Variants in MTRF1 observed in about 807,000 individuals in gnomAD.
The protein encoded by MTRF1 is mitochondrial translation release factor 1, also known as peptide chain release factor 1, mitochondrial.
A neutral mutation model predicts 62.9 loss-of-function variants in MTRF1; 51 were observed. That is an observed-to-expected ratio of 0.81 (90% CI 0.65 to 1.02). MTRF1 has a LOEUF of 1.02. Ranked by LOEUF, MTRF1 falls within the 50% of genes least tolerant of loss-of-function variation. The pLI, the probability that MTRF1 is intolerant of heterozygous loss-of-function variation, is 0.00. For missense variants in MTRF1, 446 were observed against 530.0 expected, an observed-to-expected ratio of 0.84 and a Z score of 1.56; for synonymous variants, 158 against 181.9, an observed-to-expected ratio of 0.87 and a Z score of 1.06.
chr13:41,260,422 C>T (rs1334188457), intron 2 of MTRF1, 71 bp downstream of exon 2: 3 of 1,291,904 alleles, frequency 2.3e-6, no homozygotes, highest in African/African-American at 3.0e-5. Flanking sequence ...TGTACTTACA[C>T]ACACGCATAT....
chr13:41,266,275 T>C (rs1350550172), upstream of MTRF1, among the ~76,000 whole-genome samples: 5 of 152,144 alleles, frequency 3.3e-5, no homozygotes, highest in Admixed American at 3.3e-4. Flanking sequence ...TGGTTTTTTG[T>C]TATGGCAGCC....
At chr13:41,288,310 A>T in the MTRF1 span, 2 of 285,320 alleles carry the variant, frequency 7.0e-6, no homozygotes, top group East Asian at 1.2e-4. Flanking sequence ...CACACACTTG[A>T]TGGCTTGCAC....
intron 9 of MTRF1, 146 bp downstream of exon 9, chr13:41,223,109 GT>G (rs1375259932): frequency 5.5e-6 from 3 of 540,558 alleles, no homozygotes; most frequent in African/African-American, 1.9e-5. Context: ...ACTAATAAAA[GT>G]GTTTGTAAAT....
intron 2 of MTRF1, 52 bp downstream of exon 2, chr13:41,260,418 TACACACACGCATATAAGTGTGTG>T: frequency 7.9e-7 from 1 of 1,267,266 alleles, no homozygotes; most frequent in Non-Finnish European, 1.1e-6. Context: ...AATCTGTACT[TACACACACGCATATAAGTGTGTG>T]GTTTTTTTTT....
intron 5 of MTRF1, among the ~76,000 whole-genome samples, chr13:41,244,215 ACTCAACTTT>A (rs1165287136): frequency 5.5e-5 from 5 of 90,246 alleles, no homozygotes; most frequent in Non-Finnish European, 9.9e-5. Context: ...AAAATCCTTA[ACTCAACTTT>A]CTTTCTTTCA....
intron 8 of MTRF1, among the ~76,000 whole-genome samples, chr13:41,224,224 A>T (rs1315444125): frequency 6.6e-6 from 1 of 152,142 alleles, no homozygotes; most frequent in Admixed American, 6.5e-5. Context: ...CAGCAATTGA[A>T]ATACATTCTC....
At chr13:41,298,665 A>G in the MTRF1 span, among the ~76,000 whole-genome samples, 1 of 152,250 alleles carries the variant, frequency 6.6e-6, no homozygotes, top group African/African-American at 2.4e-5. Flanking sequence ...TTATAAGCTC[A>G]AACATTTGAA....
chr13:41,307,093 A>G, the MTRF1 span, among the ~76,000 whole-genome samples: 1 of 152,148 alleles, frequency 6.6e-6, no homozygotes, highest in Non-Finnish European at 1.5e-5. Context: ...GATGACAACT[A>G]CCAGCACCGT....
chr13:41,279,820 T>C, the MTRF1 span, among the ~76,000 whole-genome samples: 1 of 152,214 alleles, frequency 6.6e-6, no homozygotes, highest in African/African-American at 2.4e-5. Flanking sequence ...ATCTAGGATA[T>C]AATCAACTAA....
At position 41,252,627 on chromosome 13, in the gene MTRF1, AT is replaced by A. The variant is rs2039217045; in HGVS notation, c.697+17del. On this transcript the variant is annotated intron_variant, in intron 5 of 9. Transcript: ENST00000379480. ...AATTTTCAGTATCTCCTACAGGCAAATTCCTCAATATGCCTACCATAATCTG... is the reference window on the plus strand; with the variant it reads ...AATTTTCAGTATCTCCTACAGGCAAATCCTCAATATGCCTACCATAATCTG... 6.3e-7 allele frequency: 1 copy of A among 1,583,978 alleles called. No homozygotes were observed. The highest frequency in any genetic ancestry group is 8.7e-7 in the Non-Finnish European group (1 of 1,154,552).
intron 9 of MTRF1, chr13:41,220,654 A>C: frequency 8.2e-7 from 1 of 1,219,336 alleles, no homozygotes; most frequent in Non-Finnish European, 1.1e-6. Flanking sequence ...CTTGGGAATA[A>C]ATAAATGTAG....
chr13:41,250,652 C>T (rs1279744347), intron 5 of MTRF1, among the ~76,000 whole-genome samples: 1 of 152,086 alleles, frequency 6.6e-6, no homozygotes, highest in Non-Finnish European at 1.5e-5. Flanking sequence ...CACCACCACA[C>T]CCAGCTAATT....
At chr13:41,249,150 C>A (rs1011780459) in intron 5 of MTRF1, among the ~76,000 whole-genome samples, 2 of 152,148 alleles carry the variant, frequency 1.3e-5, no homozygotes, top group Non-Finnish European at 2.9e-5. Context: ...TTTGTGTGCA[C>A]ATATATGTAA....
At chr13:41,232,197 A>G (rs538454656) in intron 7 of MTRF1, among the ~76,000 whole-genome samples, 19 of 152,280 alleles carry the variant, frequency 1.2e-4, no homozygotes, top group African/African-American at 4.3e-4. Context: ...AGTAATAAAA[A>G]AAAGAAATAA....
At chr13:41,283,650 C>T in the MTRF1 span, among the ~76,000 whole-genome samples, 2 of 120,634 alleles carry the variant, frequency 1.7e-5, no homozygotes, top group Admixed American at 2.3e-4. Flanking sequence ...AGTGCAGTGG[C>T]GCGATCTCGG....
At chr13:41,251,438 C>T (rs1593960020) in intron 5 of MTRF1, among the ~76,000 whole-genome samples, 3 of 152,166 alleles carry the variant, frequency 2.0e-5, no homozygotes, top group Non-Finnish European at 4.4e-5. Flanking sequence ...AAAATCTATC[C>T]ACTCAAACCT....
the MTRF1 span, among the ~76,000 whole-genome samples, chr13:41,303,315 G>T: frequency 6.6e-6 from 1 of 151,974 alleles, no homozygotes; most frequent in Admixed American, 6.6e-5. Flanking sequence ...GATCCAAAGG[G>T]GACTTGAAAC....
chr13:41,279,078 T>C, the MTRF1 span, among the ~76,000 whole-genome samples: 1 of 152,214 alleles, frequency 6.6e-6, no homozygotes, highest in Non-Finnish European at 1.5e-5. Context: ...AACCTCTTTC[T>C]CCCGGGTTTA....
intron 5 of MTRF1, among the ~76,000 whole-genome samples, chr13:41,241,743 C>T (rs1398898511): frequency 1.4e-4 from 22 of 152,242 alleles, no homozygotes. Context: ...GAATTTCCAA[C>T]AGTCTGTTTT....
Sources: allele counts gnomAD v4.1 joint callset (sites outside exome capture counted in the v4.1 genomes callset), GRCh38; gene constraint gnomAD v4.1.1; transcripts MANE v1.5; gene names NCBI Gene and HGNC (gene_info 2026-07-23, HGNC 2026-07-21).